LDAH: variants seen among roughly 807,000 people sequenced by gnomAD.
LDAH encodes the protein lipid droplet associated hydrolase.
LDAH carries 26 observed loss-of-function variants against 29.6 expected under a neutral mutation model. The observed-to-expected ratio is 0.88, with a 90% CI of 0.64 to 1.22. The LOEUF is 1.22. Among genes scored for constraint, LDAH ranks in the 50% most tolerant of loss-of-function variants. LDAH has a pLI of 0.00. For missense variants in LDAH, 344 were observed against 387.3 expected (o/e 0.89, Z 0.94); for synonymous variants, 117 against 133.0 (o/e 0.88, Z 0.83).
chr2:20,740,832 T>G (rs6757647), intron 4 of LDAH, among the ~76,000 whole-genome samples: 1 of 152,194 alleles, frequency 6.6e-6, no homozygotes, highest in Non-Finnish European at 1.5e-5. Context: ...TAGCTTTGTA[T>G]GAAATCACCA....
At chr2:20,731,108 A>G (rs931668073) in intron 5 of LDAH, among the ~76,000 whole-genome samples, 1 of 152,210 alleles carries the variant, frequency 6.6e-6, no homozygotes, top group African/African-American at 2.4e-5. Context: ...GATAGCAACT[A>G]TGTTTAATAT....
At chr2:20,715,648 A>G (rs975630551) in intron 5 of LDAH, among the ~76,000 whole-genome samples, 1 of 152,240 alleles carries the variant, frequency 6.6e-6, no homozygotes, top group East Asian at 1.9e-4. Context: ...TCTCAGCCCA[A>G]AATTTCCTTA....
At chr2:20,768,942 C>G (rs1669227163) in intron 4 of LDAH, among the ~76,000 whole-genome samples, 1 of 152,290 alleles carries the variant, frequency 6.6e-6, no homozygotes, top group South Asian at 2.1e-4. Context: ...TGATGCATGA[C>G]TGCTATCATC....
chr2:20,774,472 C>T (rs1159576558), intron 4 of LDAH, among the ~76,000 whole-genome samples: 1 of 152,180 alleles, frequency 6.6e-6, no homozygotes, highest in African/African-American at 2.4e-5. Flanking sequence ...CCACAAAAGA[C>T]AGATTCTTGT....
chr2:20,733,965 G>C (rs1666603139), intron 5 of LDAH, among the ~76,000 whole-genome samples: 1 of 152,108 alleles, frequency 6.6e-6, no homozygotes, highest in Non-Finnish European at 1.5e-5. Context: ...CTGATTTCTA[G>C]TTTGATTCCA....
intron 4 of LDAH, among the ~76,000 whole-genome samples, chr2:20,741,276 C>T (rs565707730): frequency 3.2e-4 from 49 of 152,144 alleles, no homozygotes; most frequent in African/African-American, 1.1e-3. Context: ...TAATGAAGTT[C>T]AGCTTATCTG....
At chr2:20,762,604 C>T (rs1668766070) in intron 4 of LDAH, among the ~76,000 whole-genome samples, 2 of 152,124 alleles carry the variant, frequency 1.3e-5, no homozygotes, top group Admixed American at 6.5e-5. Context: ...TATAAACAGA[C>T]ATCATTAAGT....
chr2:20,739,914 T>C, intron 5 of LDAH, 57 bp downstream of exon 5: 1 of 1,328,838 alleles, frequency 7.5e-7, no homozygotes, highest in Non-Finnish European at 1.1e-6. Flanking sequence ...CAGAGAGTAT[T>C]GTGTAAACAT....
chr2:20,704,280 T>C (rs1198288540), intron 5 of LDAH, among the ~76,000 whole-genome samples: 1 of 152,214 alleles, frequency 6.6e-6, no homozygotes, highest in Non-Finnish European at 1.5e-5. Context: ...CTTGGCCTAA[T>C]CTCCTAAATC....
intron 4 of LDAH, among the ~76,000 whole-genome samples, chr2:20,740,792 A>G (rs61342985): frequency 6.6e-6 from 1 of 152,342 alleles, no homozygotes; most frequent in African/African-American, 2.4e-5. Context: ...CTACGAGCAC[A>G]ATTGCTGGAT....
At chr2:20,726,793 C>G (rs1402317828) in intron 5 of LDAH, among the ~76,000 whole-genome samples, 1 of 152,110 alleles carries the variant, frequency 6.6e-6, no homozygotes, top group Non-Finnish European at 1.5e-5. Flanking sequence ...ATAATCTTAC[C>G]TAAGCGACAC....
chr2:20,789,137 T>C (rs1449355594), intron 3 of LDAH: 2 of 1,550,366 alleles, frequency 1.3e-6, no homozygotes, highest in African/African-American at 1.4e-5. Context: ...TTTTATTCAA[T>C]TGTGAAAACC....
intron 2 of LDAH, among the ~76,000 whole-genome samples, chr2:20,794,373 A>G (rs993934246): frequency 6.6e-6 from 1 of 152,146 alleles, no homozygotes; most frequent in African/African-American, 2.4e-5. Flanking sequence ...AGAAAGAAAT[A>G]TATTCTAACT....
At chr2:20,801,490 T>C (rs1671661444) in intron 1 of LDAH, 25 bp from the exon 2 acceptor site, 3 of 1,598,222 alleles carry the variant, frequency 1.9e-6, no homozygotes, top group African/African-American at 1.3e-5. Context: ...AAAAGTAGTA[T>C]GAAGAGTCAG....
In LDAH at chr2:20,740,330, G is replaced by C. The variant is rs1248297055; in HGVS notation, c.469-125C>G. The C allele has an allele frequency of 8.7e-6, 6 of 685,776 alleles. No homozygotes were observed. The East Asian group carries it at 1.6e-4, about 19-fold the overall frequency. 42.5% of individuals were successfully genotyped at this position (685,776 alleles called of 1,614,324 possible). On this transcript the variant is annotated intron_variant, in intron 4 of 6. Coordinates refer to ENST00000237822, the MANE Select transcript of LDAH (RefSeq NM_021925.4). Reference sequence around the variant, plus strand: ...GAATGACTAGAGATCTCTTCAGAGTGAGAAGAACCACCACTCACCACCCTC... The same window carrying C: ...GAATGACTAGAGATCTCTTCAGAGTCAGAAGAACCACCACTCACCACCCTC...
At chr2:20,710,619 TA>T (rs1664660156) in intron 5 of LDAH, among the ~76,000 whole-genome samples, 1 of 133,840 alleles carries the variant, frequency 7.5e-6, no homozygotes, top group South Asian at 2.4e-4. Context: ...TATATATATA[TA>T]GATATATATA....
At chr2:20,704,161 G>A (rs1572431741) in intron 5 of LDAH, among the ~76,000 whole-genome samples, 1 of 152,328 alleles carries the variant, frequency 6.6e-6, no homozygotes, top group East Asian at 1.9e-4. Context: ...GGTAGGAGAT[G>A]CTCCCTTAAA....
chr2:20,757,996 A>C (rs1263893741), intron 4 of LDAH, among the ~76,000 whole-genome samples: 1 of 152,190 alleles, frequency 6.6e-6, no homozygotes, highest in Non-Finnish European at 1.5e-5. Context: ...TAAACATGTG[A>C]GCCAATTCCT....
intron 4 of LDAH, among the ~76,000 whole-genome samples, chr2:20,755,457 C>A (rs1219533582): frequency 6.6e-6 from 1 of 152,162 alleles, no homozygotes; most frequent in African/African-American, 2.4e-5. Context: ...CCTTAGTAAA[C>A]TGTAAATTCT....
Sources: allele counts gnomAD v4.1 joint callset (sites outside exome capture counted in the v4.1 genomes callset), GRCh38; gene constraint gnomAD v4.1.1; transcripts MANE v1.5; gene names NCBI Gene and HGNC (gene_info 2026-07-23, HGNC 2026-07-21).